Variants in MARCHF1 observed in about 807,000 individuals in gnomAD.
The protein encoded by MARCHF1 is E3 ubiquitin-protein ligase MARCHF1.
MARCHF1 carries 40 observed loss-of-function variants against 54.2 expected under a neutral mutation model. That is an observed-to-expected ratio of 0.74 (90% CI 0.57 to 0.96). The LOEUF (loss-of-function observed/expected upper bound fraction) is 0.96, where lower values mean the gene tolerates loss of function less well. MARCHF1 is among the 40% of genes least tolerant of loss of function. The pLI is 0.00. For missense variants in MARCHF1, 586 were observed against 656.5 expected, an observed-to-expected ratio of 0.89 and a Z score of 1.17; for synonymous variants, 236 against 236.3, an observed-to-expected ratio of 1.00 and a Z score of 0.01.
At chr4:164,043,199 A>G (rs78675375) in intron 2 of MARCHF1, among the ~76,000 whole-genome samples, 24,409 of 152,176 alleles carry the variant, frequency 0.16, 2,260 homozygotes, top group Middle Eastern at 0.21. Context: ...CTCCAACACC[A>G]TATTTCCCCT....
At chr4:163,652,781 T>C (rs1052334623) in intron 5 of MARCHF1, among the ~76,000 whole-genome samples, 1 of 151,848 alleles carries the variant, frequency 6.6e-6, no homozygotes, top group African/African-American at 2.4e-5. Flanking sequence ...GTATGCACAT[T>C]TCCAAGTAAT....
At chr4:164,287,929 A>C (rs1277451696) in intron 1 of MARCHF1, among the ~76,000 whole-genome samples, 3 of 152,176 alleles carry the variant, frequency 2.0e-5, no homozygotes, top group African/African-American at 7.2e-5. Context: ...TTTATTTCTC[A>C]GAGAATCACA....
intron 1 of MARCHF1, among the ~76,000 whole-genome samples, chr4:164,251,628 A>G (rs1733128594): frequency 1.3e-5 from 2 of 152,192 alleles, no homozygotes; most frequent in African/African-American, 4.8e-5. Context: ...TACTTCGTGT[A>G]TTGATAAAAC....
intron 2 of MARCHF1, among the ~76,000 whole-genome samples, chr4:164,073,836 G>A (rs372341278): frequency 2.0e-5 from 3 of 151,436 alleles, no homozygotes; most frequent in South Asian, 2.1e-4. Flanking sequence ...AGACAGTCTC[G>A]CTCTGTCGCC....
chr4:164,254,788 T>C (rs1236526438), intron 1 of MARCHF1, among the ~76,000 whole-genome samples: 1 of 152,156 alleles, frequency 6.6e-6, no homozygotes, highest in East Asian at 1.9e-4. Flanking sequence ...CTGCCTGCTT[T>C]ATATTCGCTG....
intron 7 of MARCHF1, among the ~76,000 whole-genome samples, chr4:163,604,426 CTTGA>C (rs773928589): frequency 3.9e-5 from 6 of 152,090 alleles, no homozygotes; most frequent in Non-Finnish European, 1.5e-5. Flanking sequence ...CCAATTCTTG[CTTGA>C]TTTAGTTTCA....
chr4:164,328,680 C>T (rs1033178340), intron 1 of MARCHF1, among the ~76,000 whole-genome samples: 1 of 152,004 alleles, frequency 6.6e-6, no homozygotes, highest in Non-Finnish European at 1.5e-5. Flanking sequence ...CAGGCATGCA[C>T]CAGCACGCTC....
At chr4:164,013,676 G>A (rs1047148180) in intron 2 of MARCHF1, among the ~76,000 whole-genome samples, 18 of 152,144 alleles carry the variant, frequency 1.2e-4, no homozygotes, top group African/African-American at 4.3e-4. Context: ...GAGTTCTGAT[G>A]TTTCTAGCAG....
At chr4:164,265,787 AT>A (rs1242644290) in intron 1 of MARCHF1, among the ~76,000 whole-genome samples, 1 of 151,988 alleles carries the variant, frequency 6.6e-6, no homozygotes, top group African/African-American at 2.4e-5. Flanking sequence ...CCTGTTCTTT[AT>A]TCCTGGAGTA....
intron 4 of MARCHF1, among the ~76,000 whole-genome samples, chr4:163,740,304 C>G (rs947831825): frequency 4.6e-5 from 7 of 152,196 alleles, no homozygotes; most frequent in Non-Finnish European, 8.8e-5. Context: ...CTTATATCAT[C>G]CTTTCTGTTG....
At chr4:163,940,055 A>G (rs112178936) in intron 3 of MARCHF1, among the ~76,000 whole-genome samples, 2,940 of 152,202 alleles carry the variant, frequency 0.019, 41 homozygotes, top group Non-Finnish European at 0.031. Context: ...TCTAAGAAGA[A>G]ACAGGAAATA....
chr4:163,775,789 A>G (rs1747287934), intron 4 of MARCHF1, among the ~76,000 whole-genome samples: 1 of 152,128 alleles, frequency 6.6e-6, no homozygotes, highest in Non-Finnish European at 1.5e-5. Context: ...ATATAAAAAA[A>G]GGGGGAAAAA....
At chr4:163,745,525 AC>A (rs1173119372) in intron 4 of MARCHF1, among the ~76,000 whole-genome samples, 1 of 152,182 alleles carries the variant, frequency 6.6e-6, no homozygotes, top group Non-Finnish European at 1.5e-5. Context: ...AGCGCCAGGG[AC>A]ACACTCCAGC....
chr4:163,828,390 A>C (rs1748915857), intron 4 of MARCHF1, among the ~76,000 whole-genome samples: 1 of 152,142 alleles, frequency 6.6e-6, no homozygotes, highest in Non-Finnish European at 1.5e-5. Flanking sequence ...CTAATGCTTC[A>C]GTCATTATAG....
At chr4:164,236,464 C>A (rs894257367) in intron 1 of MARCHF1, among the ~76,000 whole-genome samples, 1 of 150,782 alleles carries the variant, frequency 6.6e-6, no homozygotes, top group African/African-American at 2.4e-5. Flanking sequence ...TTTGGCACTA[C>A]GATGGGGCCA....
intron 1 of MARCHF1, among the ~76,000 whole-genome samples, chr4:164,115,900 C>G (rs1755929241): frequency 6.6e-6 from 1 of 151,982 alleles, no homozygotes; most frequent in Non-Finnish European, 1.5e-5. Context: ...CAACACATTT[C>G]AGTAGAAGGT....
intron 4 of MARCHF1, chr4:163,828,923 C>A (rs1748935468): frequency 6.6e-6 from 1 of 152,194 alleles, no homozygotes. Context: ...AGGTATAGAG[C>A]TGTTTGTCCC....
At chr4:164,010,052 T>C (rs970731966) in intron 2 of MARCHF1, among the ~76,000 whole-genome samples, 1 of 135,676 alleles carries the variant, frequency 7.4e-6, no homozygotes, top group African/African-American at 2.7e-5. Flanking sequence ...AAAGACTCCA[T>C]CAAAAAACTC....
intron 2 of MARCHF1, among the ~76,000 whole-genome samples, chr4:164,010,443 C>A (rs981224171): frequency 4.0e-5 from 6 of 151,658 alleles, no homozygotes; most frequent in Non-Finnish European, 5.9e-5. Flanking sequence ...TTGCAGTATA[C>A]AAAATAAACA....
Sources: allele counts gnomAD v4.1 joint callset (sites outside exome capture counted in the v4.1 genomes callset), GRCh38; gene constraint gnomAD v4.1.1; transcripts MANE v1.5; gene names NCBI Gene and HGNC (gene_info 2026-07-23, HGNC 2026-07-21).